Variants in USP25 observed in about 807,000 individuals in gnomAD.
USP25 encodes the protein ubiquitin carboxyl-terminal hydrolase 25.
USP25 carries 85 observed loss-of-function variants against 158.5 expected under a neutral mutation model. The ratio of observed to expected loss-of-function variants is 0.54; its 90% CI spans 0.45 to 0.64. USP25 has a LOEUF of 0.64. USP25 is among the 30% of genes least tolerant of loss of function. The pLI is 0.00. For synonymous variants in USP25, 464 were observed against 460.4 expected (o/e 1.01, Z -0.10); for missense variants, 1,242 against 1,327.3 (o/e 0.94, Z 1.00).
intron 22 of USP25, among the ~76,000 whole-genome samples, chr21:15,869,617 G>T (rs1489569006): frequency 6.6e-6 from 1 of 152,092 alleles, no homozygotes; most frequent in Non-Finnish European, 1.5e-5. Context: ...AAGTTAAAAG[G>T]TTAAATAAAT....
At chr21:15,755,519 A>G (rs900890274) in intron 1 of USP25, among the ~76,000 whole-genome samples, 2 of 152,230 alleles carry the variant, frequency 1.3e-5, no homozygotes, top group African/African-American at 4.8e-5. Context: ...TGGCAAGGAC[A>G]TGGAATTTGA....
chr21:15,872,025 T>TTG (rs1419350125), intron 23 of USP25, among the ~76,000 whole-genome samples: 7 of 146,692 alleles, frequency 4.8e-5, no homozygotes, highest in African/African-American at 1.5e-4. Context: ...TTTTTTTTTT[T>TTG]TTTTTTTTTT....
intron 3 of USP25, among the ~76,000 whole-genome samples, chr21:15,775,481 C>T (rs1256948490): frequency 6.6e-6 from 1 of 152,160 alleles, no homozygotes; most frequent in Non-Finnish European, 1.5e-5. Context: ...ACTTCTGTCA[C>T]AATTAGGAAA....
intron 18 of USP25, 119 bp from the exon 19 acceptor site, chr21:15,847,544 A>G (rs950944600): frequency 2.5e-5 from 16 of 629,098 alleles, no homozygotes; most frequent in Non-Finnish European, 5.5e-6. Context: ...TTTTAAAAAT[A>G]AGTCATATGG....
chr21:15,800,629 C>T (rs1432364456), intron 6 of USP25, among the ~76,000 whole-genome samples: 1 of 151,058 alleles, frequency 6.6e-6, no homozygotes. Flanking sequence ...GATATAGTTG[C>T]GTGTAGGGCT....
chr21:15,868,969 A>G (rs766506445), intron 22 of USP25, among the ~76,000 whole-genome samples: 20 of 152,276 alleles, frequency 1.3e-4, no homozygotes, highest in Admixed American at 7.2e-4. Context: ...TTAAGACTGG[A>G]TGTGGTGGCT....
At chr21:15,798,692 C>A (rs957422109) in intron 5 of USP25, among the ~76,000 whole-genome samples, 4 of 151,234 alleles carry the variant, frequency 2.6e-5, no homozygotes, top group South Asian at 2.1e-4. Flanking sequence ...TTGAATAAAT[C>A]TTTCTAGATC....
intron 1 of USP25, among the ~76,000 whole-genome samples, chr21:15,753,729 A>G (rs1292241131): frequency 2.0e-5 from 3 of 151,742 alleles, no homozygotes; most frequent in African/African-American, 7.3e-5. Context: ...GCTTCTCTTT[A>G]CCTTTCTAAG....
chr21:15,794,925 G>A (rs1003079616), intron 5 of USP25, among the ~76,000 whole-genome samples: 4 of 151,464 alleles, frequency 2.6e-5, no homozygotes, highest in African/African-American at 9.7e-5. Context: ...AGTACGTGAG[G>A]ATATTTTAAA....
chr21:15,841,805 A>T (rs188671797), intron 17 of USP25, among the ~76,000 whole-genome samples: 2 of 151,750 alleles, frequency 1.3e-5, no homozygotes, highest in African/African-American at 4.8e-5. Flanking sequence ...TGTCTCATCT[A>T]GGGAACACCC....
At chr21:15,830,438 C>T (rs2037741383) in intron 14 of USP25, 93 bp from the exon 15 acceptor site, 1 of 1,072,628 alleles carries the variant, frequency 9.3e-7, no homozygotes, top group Non-Finnish European at 1.3e-6. Flanking sequence ...TTTTCCTATT[C>T]CTCTAACATG....
chr21:15,817,558 A>T (rs938832722), intron 9 of USP25, among the ~76,000 whole-genome samples: 16 of 152,106 alleles, frequency 1.1e-4, no homozygotes, highest in African/African-American at 3.6e-4. Context: ...AGACCGGGCA[A>T]TTTGCAAAAG....
chr21:15,753,859 T>C (rs1192806016), intron 1 of USP25, among the ~76,000 whole-genome samples: 1 of 151,978 alleles, frequency 6.6e-6, no homozygotes, highest in Non-Finnish European at 1.5e-5. Context: ...AAGGGTCACA[T>C]GATTGAAGCT....
At chr21:15,832,899 T>G (rs929778181) in intron 16 of USP25, among the ~76,000 whole-genome samples, 2 of 152,024 alleles carry the variant, frequency 1.3e-5, no homozygotes, top group Admixed American at 6.6e-5. Flanking sequence ...GCACCTGTAG[T>G]CTCAGCTACC....
At chr21:15,731,503 C>G (rs1166793507) in intron 1 of USP25, among the ~76,000 whole-genome samples, 1 of 152,054 alleles carries the variant, frequency 6.6e-6, no homozygotes, top group Non-Finnish European at 1.5e-5. Context: ...TAGAATAAGA[C>G]CTGTTCTAAA....
chr21:15,762,837 T>C, intron 1 of USP25, 54 bp from the exon 2 acceptor site: 1 of 1,488,508 alleles, frequency 6.7e-7, no homozygotes, highest in Non-Finnish European at 9.2e-7. Flanking sequence ...TTTCTTTTCC[T>C]AGTATATTTT....
intron 2 of USP25, among the ~76,000 whole-genome samples, chr21:15,764,675 A>G (rs1018712448): frequency 1.3e-5 from 2 of 152,182 alleles, no homozygotes; most frequent in African/African-American, 2.4e-5. Flanking sequence ...ATTTCTTGGC[A>G]TATAGTAAGT....
At chr21:15,760,737 G>T (rs2123388362) in intron 1 of USP25, among the ~76,000 whole-genome samples, 1 of 152,280 alleles carries the variant, frequency 6.6e-6, no homozygotes, top group Admixed American at 6.5e-5. Flanking sequence ...GCAAGACTTA[G>T]TACACAGAAC....
At chr21:15,752,441 C>G (rs1348125632) in intron 1 of USP25, among the ~76,000 whole-genome samples, 1 of 151,668 alleles carries the variant, frequency 6.6e-6, no homozygotes, top group African/African-American at 2.4e-5. Flanking sequence ...GTCTCGAACT[C>G]CTGACCTTGT....
Sources: gnomAD v4.1 joint callset for allele counts (sites outside exome capture counted in the v4.1 genomes callset) on GRCh38, gnomAD v4.1.1 for gene constraint, MANE v1.5 for transcripts, NCBI Gene and HGNC (gene_info 2026-07-23, HGNC 2026-07-21) for gene names.